Variants in PCSK5 observed in about 807,000 individuals in gnomAD.
The protein encoded by PCSK5 is prohormone convertase 5.
In PCSK5, 129 loss-of-function variants were observed where a neutral mutation model predicts 233.2. The ratio of observed to expected loss-of-function variants is 0.55; its 90% CI spans 0.48 to 0.64. The LOEUF (loss-of-function observed/expected upper bound fraction) is 0.64. PCSK5 is among the 30% of genes least tolerant of loss of function. PCSK5 has a pLI of 0.00. For missense variants in PCSK5, 2,076 were observed against 2,430.1 expected (o/e 0.85, Z 3.06); for synonymous variants, 825 against 879.2 (o/e 0.94, Z 1.09).
At chr9:76,049,524 G>A (rs1157556726) in intron 5 of PCSK5, among the ~76,000 whole-genome samples, 1 of 152,224 alleles carries the variant, frequency 6.6e-6, no homozygotes, top group Admixed American at 6.5e-5. Flanking sequence ...TCAGTGAATA[G>A]ATGGTGTTAG....
intron 24 of PCSK5, among the ~76,000 whole-genome samples, chr9:76,269,375 C>T (rs1025269969): frequency 1.3e-5 from 2 of 152,132 alleles, no homozygotes; most frequent in Admixed American, 1.3e-4. Flanking sequence ...GAAAGATGAT[C>T]ACGATATTCC....
intron 2 of PCSK5, among the ~76,000 whole-genome samples, chr9:75,982,918 A>T (rs1187342779): frequency 6.6e-6 from 1 of 152,150 alleles, no homozygotes; most frequent in Non-Finnish European, 1.5e-5. Flanking sequence ...ACATTTAAAT[A>T]TCTGATTCAT....
chr9:76,199,356 T>C (rs1363929301), intron 20 of PCSK5, among the ~76,000 whole-genome samples: 2 of 152,216 alleles, frequency 1.3e-5, no homozygotes, highest in Admixed American at 6.5e-5. Context: ...GGTATAATCT[T>C]ATGGGACCAC....
intron 3 of PCSK5, among the ~76,000 whole-genome samples, chr9:75,988,557 C>T (rs1259204423): frequency 6.6e-6 from 1 of 152,094 alleles, no homozygotes; most frequent in African/African-American, 2.4e-5. Flanking sequence ...GCTGGGACCA[C>T]AGGTGCATGC....
At chr9:76,300,452 GGAGTTCTGGAAGT>G in intron 27 of PCSK5, among the ~76,000 whole-genome samples, 1 of 152,158 alleles carries the variant, frequency 6.6e-6, no homozygotes, top group African/African-American at 2.4e-5. Context: ...TATATACTCA[GGAGTTCTGGAAGT>G]GGATTGTGAA....
At chr9:75,912,759 C>T (rs1441676470) in intron 1 of PCSK5, among the ~76,000 whole-genome samples, 1 of 152,190 alleles carries the variant, frequency 6.6e-6, no homozygotes, top group Non-Finnish European at 1.5e-5. Flanking sequence ...TGACTCTAGT[C>T]TGTAGTGTGG....
intron 1 of PCSK5, among the ~76,000 whole-genome samples, chr9:75,928,600 T>TAA (rs997893509): frequency 2.6e-5 from 2 of 78,172 alleles, no homozygotes; most frequent in African/African-American, 6.1e-5. Flanking sequence ...TAAATACATA[T>TAA]ATATATATAT....
intron 3 of PCSK5, among the ~76,000 whole-genome samples, chr9:76,021,370 G>GT (rs869070072): frequency 4.8e-4 from 5 of 10,330 alleles, no homozygotes; most frequent in Non-Finnish European, 1.1e-3. Flanking sequence ...GGTGTGGGTT[G>GT]GGGGGTGTAT....
chr9:75,943,946 T>A (rs2131307317), intron 2 of PCSK5, among the ~76,000 whole-genome samples: 1 of 152,092 alleles, frequency 6.6e-6, no homozygotes, highest in East Asian at 1.9e-4. Flanking sequence ...GAGGATTGCT[T>A]AAGTCCAGGA....
chr9:76,302,042 G>C, intron 27 of PCSK5, 95 bp from the exon 28 acceptor site: 1 of 473,904 alleles, frequency 2.1e-6, no homozygotes, highest in Non-Finnish European at 3.7e-6. Flanking sequence ...ATACACAGCA[G>C]ACATTTCTGG....
At chr9:76,120,853 T>G (rs1328155291) in intron 9 of PCSK5, among the ~76,000 whole-genome samples, 1 of 152,114 alleles carries the variant, frequency 6.6e-6, no homozygotes, top group African/African-American at 2.4e-5. Context: ...ATTTCCTGGA[T>G]AGCCTTGAGC....
chr9:76,283,414 A>T (rs1259416328), intron 24 of PCSK5, among the ~76,000 whole-genome samples: 2 of 152,268 alleles, frequency 1.3e-5, no homozygotes. Flanking sequence ...ACCCTCCACC[A>T]GCAAAAGGAT....
intron 10 of PCSK5, among the ~76,000 whole-genome samples, chr9:76,151,605 C>G (rs996083502): frequency 6.6e-6 from 1 of 152,192 alleles, no homozygotes; most frequent in Non-Finnish European, 1.5e-5. Context: ...TACCTTCGTC[C>G]TCCACCTAAC....
chr9:76,155,061 T>A (rs1823830324), intron 10 of PCSK5, among the ~76,000 whole-genome samples: 1 of 152,172 alleles, frequency 6.6e-6, no homozygotes, highest in Non-Finnish European at 1.5e-5. Context: ...CTTTTTAATT[T>A]AAAAAAATAA....
At chr9:76,011,437 T>C (rs1189544326) in intron 3 of PCSK5, among the ~76,000 whole-genome samples, 1 of 152,228 alleles carries the variant, frequency 6.6e-6, no homozygotes, top group Non-Finnish European at 1.5e-5. Context: ...AGCAAAGATG[T>C]CAGGTAGATT....
At chr9:76,042,650 T>C (rs540891733) in intron 5 of PCSK5, among the ~76,000 whole-genome samples, 1 of 91,150 alleles carries the variant, frequency 1.1e-5, no homozygotes, top group South Asian at 3.7e-4. Context: ...AGTAAGACTC[T>C]TTGTTAAAAA....
In PCSK5 at chr9:76,358,784, T is replaced by C. The variant is rs745489964; in HGVS notation, c.5526T>C (p.Tyr1842=). The C allele has an allele frequency of 4.3e-6, 7 of 1,612,782 alleles. No homozygotes were observed. In the Admixed American group the frequency reaches 6.7e-5, roughly 15 times the overall value. The change falls in exon 38 of 38, where the codon TAT becomes TAC. Residue 1842 remains tyrosine (Y), a synonymous_variant. Transcript: ENST00000674117. ...DQVIEYRDRD[Y]DEDDDDDIVY... is the part of the protein sequence containing the mutation. The stretch of plus-strand genomic sequence containing the variant: ...TGATTGAGTACAGGGATCGGGACTA[T>C]GATGAGGATGATGATGATGACATCG...
intron 26 of PCSK5, 45 bp downstream of exon 26, chr9:76,295,456 G>C (rs1472499910): frequency 6.3e-7 from 1 of 1,593,432 alleles, no homozygotes. Context: ...CCAGGCACTG[G>C]AGCTCCACAC....
At chr9:76,066,990 A>C (rs1054401718) in intron 5 of PCSK5, among the ~76,000 whole-genome samples, 1 of 152,242 alleles carries the variant, frequency 6.6e-6, no homozygotes, top group South Asian at 2.1e-4. Flanking sequence ...CAGATAAACC[A>C]TAATGACTGT....
Sources: gnomAD v4.1 joint callset for allele counts (sites outside exome capture counted in the v4.1 genomes callset) on GRCh38, gnomAD v4.1.1 for gene constraint, MANE v1.5 for transcripts, NCBI Gene and HGNC (gene_info 2026-07-23, HGNC 2026-07-21) for gene names.